LHFPL3: variants seen among roughly 807,000 people sequenced by gnomAD.
The protein encoded by LHFPL3 is LHFPL tetraspan subfamily member 3, also known as LHFPL tetraspan subfamily member 3 protein.
A neutral mutation model predicts 19.3 loss-of-function variants in LHFPL3; 5 were observed. The observed-to-expected ratio is 0.26, with a 90% CI of 0.14 to 0.54. The LOEUF (loss-of-function observed/expected upper bound fraction) is 0.54, where lower values mean the gene tolerates loss of function less well. LHFPL3 is among the 20% of genes least tolerant of loss of function. The probability of loss-of-function intolerance (pLI) is 0.94; values close to 1 mark genes in which losing one functional copy is unlikely to be tolerated. For missense variants in LHFPL3, 249 were observed against 307.4 expected (o/e 0.81, Z 1.42); for synonymous variants, 133 against 126.2 (o/e 1.05, Z -0.36).
Position 104,328,808 on chromosome 7 carries a change from C to T in LHFPL3, c.29C>T (p.Ala10Val). Residue 10 changes from alanine (A) to valine (V), a missense_variant, in exon 1 of 3, where the codon GCC becomes GTC. Physicochemically the swap from Ala to Val is moderately conservative, Grantham distance 64. Coordinates refer to ENST00000424859, the MANE Select transcript of LHFPL3 (RefSeq NM_199000.3). This position sits in a 1 kb window ranked among gnomAD's most constrained non-coding sequence, Gnocchi z 4.6. MPGAAAAAA[A>V]AAAAMLPAQE... is the part of the protein sequence containing the mutation. ...CCCGGAGCCGCCGCCGCTGCCGCCG[C>T]CGCCGCCGCCGCGATGCTCCCGGCT... The T allele has an allele frequency of 1.2e-6, 2 of 1,606,688 alleles. No individual in the cohort carries two copies. Among genetic ancestry groups the T allele is most frequent in the Non-Finnish European group, 1.7e-6 (2 of 1,176,250 alleles).
intron 2 of LHFPL3, among the ~76,000 whole-genome samples, chr7:104,865,480 G>A (rs28827244): frequency 1.2e-4 from 18 of 151,956 alleles, no homozygotes; most frequent in Non-Finnish European, 4.4e-5. Flanking sequence ...TATCAGTGAT[G>A]GAAGATCAAA....
chr7:104,328,759 A>AGGAGGAGGAGGAGGG lies in LHFPL3; in HGVS notation c.-16_-2dup, dbSNP rs1562865325. On this transcript the variant is annotated 5_prime_UTR_variant, in exon 1 of 3. Transcript: ENST00000424859. The surrounding 1 kb of genome is among the most constrained non-coding windows in gnomAD (Gnocchi z 4.6). ...GAGGCGGAGGACCAGGAGGAGGAGG[A>AGGAGGAGGAGGAGGG]GGAGGAGGAGGAGGGGGAGAATGCC... The AGGAGGAGGAGGAGGG allele has an allele frequency of 6.5e-7, 1 of 1,543,016 alleles. No homozygotes were observed. The highest frequency in any genetic ancestry group is 1.4e-5 in the African/African-American group (1 of 72,856).
chr7:104,458,055 T>A (rs1430105061), intron 1 of LHFPL3, among the ~76,000 whole-genome samples: 2 of 151,018 alleles, frequency 1.3e-5, no homozygotes, highest in Non-Finnish European at 3.0e-5. Context: ...TTTTCTCCCA[T>A]TTTGTAGGTT....
intron 1 of LHFPL3, among the ~76,000 whole-genome samples, chr7:104,451,674 T>C (rs561082832): frequency 6.6e-6 from 1 of 152,330 alleles, no homozygotes; most frequent in Admixed American, 6.5e-5. Flanking sequence ...ATACATTCTA[T>C]TTTTTAAATA....
rs181590775 is a variant in LHFPL3 at position 104,510,611 on chromosome 7, G to A, written c.445+181387G>A. 3.3e-3 allele frequency among the ~76,000 whole-genome samples: 496 copies of A among 152,188 alleles called. 1 individual carries two copies. Among genetic ancestry groups the A allele is most frequent in the Non-Finnish European group, 5.6e-3 (381 of 67,960 alleles). On this transcript the variant is annotated intron_variant, in intron 1 of 2. Transcript: ENST00000424859. Reference sequence around the variant, plus strand: ...AATAAAATCATAGTGAAAATTCTTTGTAATCTAGGGCTAGGCAAAGAGTTC... The same window carrying A: ...AATAAAATCATAGTGAAAATTCTTTATAATCTAGGGCTAGGCAAAGAGTTC...
chr7:104,390,387 T>C (rs1020642702), intron 1 of LHFPL3, among the ~76,000 whole-genome samples: 2 of 151,420 alleles, frequency 1.3e-5, no homozygotes, highest in Non-Finnish European at 2.9e-5. Flanking sequence ...CCAACCTGTG[T>C]CCAAGTGTTC....
At chr7:104,462,730 A>G (rs1169246282) in intron 1 of LHFPL3, among the ~76,000 whole-genome samples, 1 of 152,116 alleles carries the variant, frequency 6.6e-6, no homozygotes, top group African/African-American at 2.4e-5. Context: ...CCAGGTTTTG[A>G]TATCAGGCTG....
intron 1 of LHFPL3, among the ~76,000 whole-genome samples, chr7:104,373,680 TCAAAGG>T (rs1223669222): frequency 7.1e-6 from 1 of 141,084 alleles, no homozygotes; most frequent in Non-Finnish European, 1.5e-5. Flanking sequence ...CGGGAAAAAC[TCAAAGG>T]CAGGTGGGAG....
At chr7:104,545,398 C>A (rs1395963526) in intron 1 of LHFPL3, among the ~76,000 whole-genome samples, 1 of 152,162 alleles carries the variant, frequency 6.6e-6, no homozygotes, top group Non-Finnish European at 1.5e-5. Context: ...GGTTCCTGCA[C>A]TCGTCTAGTG....
intron 1 of LHFPL3, among the ~76,000 whole-genome samples, chr7:104,683,373 T>C (rs532542195): frequency 1.3e-5 from 2 of 152,356 alleles, no homozygotes; most frequent in South Asian, 4.1e-4. Flanking sequence ...CATTGTGTAA[T>C]GTGAAGATAA....
intron 1 of LHFPL3, among the ~76,000 whole-genome samples, chr7:104,605,538 C>T (rs1278527826): frequency 6.6e-6 from 1 of 152,132 alleles, no homozygotes; most frequent in Non-Finnish European, 1.5e-5. Flanking sequence ...CATTTATTAG[C>T]ATGTACTTAA....
Position 104,783,289 on chromosome 7 carries a change from G to T in LHFPL3, c.682+46378G>T, listed in dbSNP as rs77954133. 9.6e-3 allele frequency among the ~76,000 whole-genome samples: 1,465 copies of T among 152,322 alleles called. 18 individuals carry two copies. Among genetic ancestry groups the T allele is most frequent in the African/African-American group, 0.034 (1,404 of 41,564 alleles). ...GGGACTGCTCCTGTGTGTTTCCACAGTTCCCCATCCTTATCCTGACCATAA... is the reference window on the plus strand; with the variant it reads ...GGGACTGCTCCTGTGTGTTTCCACATTTCCCCATCCTTATCCTGACCATAA... On this transcript the variant is annotated intron_variant, in intron 2 of 2. Transcript: ENST00000424859.
intron 1 of LHFPL3, among the ~76,000 whole-genome samples, chr7:104,384,017 C>T (rs1312492839): frequency 1.3e-5 from 2 of 152,068 alleles, no homozygotes; most frequent in Non-Finnish European, 2.9e-5. Context: ...TTTACCTTTT[C>T]CACCTGCAAC....
chr7:104,381,711 G>A (rs1238927943), intron 1 of LHFPL3, among the ~76,000 whole-genome samples: 1 of 152,140 alleles, frequency 6.6e-6, no homozygotes, highest in African/African-American at 2.4e-5. Context: ...TGTGACTTCT[G>A]TTTTTATTAT....
intron 1 of LHFPL3, among the ~76,000 whole-genome samples, chr7:104,402,574 C>T (rs1465655308): frequency 1.3e-5 from 2 of 152,190 alleles, no homozygotes; most frequent in African/African-American, 4.8e-5. Flanking sequence ...ACTTATGCTA[C>T]TTCCCATTAC....
intron 1 of LHFPL3, among the ~76,000 whole-genome samples, chr7:104,380,918 C>A (rs1032384599): frequency 6.6e-6 from 1 of 152,044 alleles, no homozygotes; most frequent in African/African-American, 2.4e-5. Flanking sequence ...ACATTGAAAT[C>A]AGTTGTGTAG....
intron 1 of LHFPL3, among the ~76,000 whole-genome samples, chr7:104,602,366 G>T (rs1455339308): frequency 6.6e-6 from 1 of 152,088 alleles, no homozygotes; most frequent in Admixed American, 6.6e-5. Flanking sequence ...AAGGACCCAG[G>T]TTCTTTTCTT....
chr7:104,900,597 A>G (rs567550435), intron 2 of LHFPL3, among the ~76,000 whole-genome samples: 2 of 152,376 alleles, frequency 1.3e-5, no homozygotes, highest in Non-Finnish European at 2.9e-5. Flanking sequence ...AGGAGGAGTC[A>G]GCTCTCCTGA....
chr7:104,827,720 G>A (rs1010783738), intron 2 of LHFPL3, among the ~76,000 whole-genome samples: 1 of 150,938 alleles, frequency 6.6e-6, no homozygotes, highest in Non-Finnish European at 1.5e-5. Flanking sequence ...TGTGTCTTTT[G>A]TTATGAATTC....
Sources: gnomAD v4.1 joint callset for allele counts (sites outside exome capture counted in the v4.1 genomes callset) on GRCh38, gnomAD v4.1.1 for gene constraint, Gnocchi (gnomAD v3.1) non-coding constraint, MANE v1.5 for transcripts, NCBI Gene and HGNC (gene_info 2026-07-23, HGNC 2026-07-21) for gene names.